The following EBF1 variants were observed in gnomAD, a reference collection of about 807,000 sequenced individuals.
EBF1 encodes transcription factor COE1.
In EBF1, 10 loss-of-function variants were observed where a neutral mutation model predicts 68.4. The ratio of observed to expected loss-of-function variants is 0.15; its 90% confidence interval spans 0.09 to 0.25. The LOEUF (loss-of-function observed/expected upper bound fraction) is 0.25. EBF1 is among the 10% of genes least tolerant of loss of function. The pLI is 1.00. For missense variants in EBF1, 509 were observed against 794.4 expected, an observed-to-expected ratio of 0.64 and a Z score of 4.32; for synonymous variants, 298 against 299.8, an observed-to-expected ratio of 0.99 and a Z score of 0.06.
chr5:158,732,985 C>T (rs1156331647), intron 10 of EBF1, among the ~76,000 whole-genome samples: 7 of 152,112 alleles, frequency 4.6e-5, no homozygotes, highest in African/African-American at 1.7e-4. Context: ...AGTTAAGGCA[C>T]AATATTTATT....
At chr5:158,969,107 G>C (rs1373867664) in intron 6 of EBF1, among the ~76,000 whole-genome samples, 4 of 152,090 alleles carry the variant, frequency 2.6e-5, no homozygotes, top group African/African-American at 9.7e-5. Flanking sequence ...TTCGAGACCA[G>C]CCTGGACAAC....
chr5:158,737,476 G>A (rs1308422892), intron 10 of EBF1, among the ~76,000 whole-genome samples: 1 of 151,462 alleles, frequency 6.6e-6, no homozygotes, highest in Non-Finnish European at 1.5e-5. Flanking sequence ...AATAGAGACG[G>A]GGTTTCACCG....
chr5:158,919,916 T>C (rs1299479923), intron 6 of EBF1, among the ~76,000 whole-genome samples: 1 of 152,210 alleles, frequency 6.6e-6, no homozygotes, highest in African/African-American at 2.4e-5. Flanking sequence ...GCTGTGTTTT[T>C]CTGCTATATG....
chr5:159,002,212 C>T (rs1221033220), intron 6 of EBF1, among the ~76,000 whole-genome samples: 1 of 148,596 alleles, frequency 6.7e-6, no homozygotes, highest in African/African-American at 2.5e-5. Flanking sequence ...GGGATAGGTA[C>T]ACAAAGTACA....
chr5:158,878,798 G>A (rs1201442868), intron 6 of EBF1, among the ~76,000 whole-genome samples: 3 of 151,712 alleles, frequency 2.0e-5, no homozygotes, highest in South Asian at 2.1e-4. Flanking sequence ...GATGTGCCAC[G>A]GTGCTCAGCT....
intron 6 of EBF1, among the ~76,000 whole-genome samples, chr5:158,876,333 T>C (rs929349189): frequency 1.3e-5 from 2 of 152,150 alleles, no homozygotes; most frequent in Non-Finnish European, 2.9e-5. Flanking sequence ...CTTAGAGAGA[T>C]TCATGTATCT....
chr5:158,799,457 A>C (rs1780191983), intron 8 of EBF1, among the ~76,000 whole-genome samples: 1 of 152,062 alleles, frequency 6.6e-6, no homozygotes, highest in Admixed American at 6.6e-5. Context: ...AAATTAAAGA[A>C]TGCTAAGTAT....
At chr5:158,922,777 G>A (rs903135276) in intron 6 of EBF1, among the ~76,000 whole-genome samples, 5 of 152,176 alleles carry the variant, frequency 3.3e-5, no homozygotes, top group Admixed American at 2.0e-4. Context: ...TCAGGTTATT[G>A]TCACTTCAGA....
chr5:158,971,075 C>A (rs940543456), intron 6 of EBF1, among the ~76,000 whole-genome samples: 3 of 152,184 alleles, frequency 2.0e-5, no homozygotes, highest in East Asian at 3.9e-4. Flanking sequence ...ACCTATTAGG[C>A]CTTTTCATCT....
chr5:158,704,671 T>C (rs1236033387), intron 15 of EBF1, among the ~76,000 whole-genome samples: 35 of 152,082 alleles, frequency 2.3e-4, no homozygotes, highest in Non-Finnish European at 1.0e-4. Context: ...AAGTTAAAGA[T>C]GAAGTAATTC....
intron 9 of EBF1, among the ~76,000 whole-genome samples, chr5:158,788,971 G>A (rs1229480471): frequency 6.6e-6 from 1 of 151,716 alleles, no homozygotes; most frequent in Non-Finnish European, 1.5e-5. Flanking sequence ...TATTAAAAAG[G>A]CCATTAGACC....
chr5:158,880,240 C>G (rs979486743), intron 6 of EBF1, among the ~76,000 whole-genome samples: 3 of 152,172 alleles, frequency 2.0e-5, no homozygotes, highest in African/African-American at 7.2e-5. Context: ...CATGCAGATA[C>G]TCCATCATGC....
Position 159,009,804 on chromosome 5 carries a change from A to T in EBF1, c.554+63592T>A, listed in dbSNP as rs114544077. On this transcript the variant is annotated intron_variant, in intron 6 of 15. Coordinates refer to ENST00000313708, the MANE Select transcript of EBF1 (RefSeq NM_024007.5). ...AAAAAAAAGCAAAAATAAATTAAAGATGATATAGTACGTGATATTAGCATA... is the reference window on the plus strand; with the variant it reads ...AAAAAAAAGCAAAAATAAATTAAAGTTGATATAGTACGTGATATTAGCATA... 3.6e-3 allele frequency among the ~76,000 whole-genome samples: 545 copies of T among 151,822 alleles called. 3 individuals are homozygous for T. Among genetic ancestry groups the T allele is most frequent in the African/African-American group, 0.012 (499 of 41,424 alleles).
intron 6 of EBF1, among the ~76,000 whole-genome samples, chr5:159,028,066 C>CT (rs1768046461): frequency 6.6e-6 from 1 of 152,196 alleles, no homozygotes; most frequent in Non-Finnish European, 1.5e-5. Flanking sequence ...CTGCTTCCTA[C>CT]TTTCTGAAGT....
intron 15 of EBF1, among the ~76,000 whole-genome samples, chr5:158,700,397 T>A (rs1756474210): frequency 6.6e-6 from 1 of 151,804 alleles, no homozygotes. Context: ...GCAGAGAGAG[T>A]CATTGCTTTC....
intron 14 of EBF1, 28 bp downstream of exon 14, chr5:158,712,126 G>A: frequency 6.2e-7 from 1 of 1,611,562 alleles, no homozygotes; most frequent in East Asian, 2.2e-5. Flanking sequence ...GAAACGTGCA[G>A]GAACGCAGGA....
intron 4 of EBF1, among the ~76,000 whole-genome samples, chr5:159,094,654 AT>A (rs1435105476): frequency 6.6e-6 from 1 of 152,218 alleles, no homozygotes; most frequent in African/African-American, 2.4e-5. Flanking sequence ...ACATTCTAAA[AT>A]CACAATCAAG....
At chr5:158,815,522 A>G (rs899687840) in intron 8 of EBF1, among the ~76,000 whole-genome samples, 1 of 152,238 alleles carries the variant, frequency 6.6e-6, no homozygotes, top group Non-Finnish European at 1.5e-5. Context: ...AATAGTTTAA[A>G]AAAACAACAA....
intron 6 of EBF1, among the ~76,000 whole-genome samples, chr5:158,979,879 C>A (rs1048530137): frequency 2.6e-5 from 4 of 152,160 alleles, no homozygotes; most frequent in Admixed American, 6.5e-5. Context: ...TAGGTTGGTG[C>A]CCAAAATGCA....
Sources: gnomAD v4.1 joint callset for allele counts (sites outside exome capture counted in the v4.1 genomes callset) on GRCh38, gnomAD v4.1.1 for gene constraint, MANE v1.5 for transcripts, NCBI Gene and HGNC (gene_info 2026-07-23, HGNC 2026-07-21) for gene names.